RAB31: variants seen among roughly 807,000 people sequenced by gnomAD.
The protein encoded by RAB31 is RAB31, member RAS oncogene family.
In RAB31, 21 loss-of-function variants were observed where a neutral mutation model predicts 25.6. That is an observed-to-expected ratio of 0.82 (90% CI 0.58 to 1.18). RAB31 has a LOEUF of 1.18. Ranked by LOEUF, RAB31 falls within the 50% of genes most tolerant of loss-of-function variation. The pLI, the probability that RAB31 is intolerant of heterozygous loss-of-function variation, is 0.00. For missense variants in RAB31, 196 were observed against 250.1 expected (o/e 0.78, Z 1.46); for synonymous variants, 87 against 84.0 (o/e 1.04, Z -0.20).
rs1278898121 is a variant in RAB31 at position 9,777,169 on chromosome 18, C to CT, written c.119+1812_119+1813insT. On this transcript the variant is annotated intron_variant, in intron 2 of 6. Coordinates refer to ENST00000578921, the MANE Select transcript of RAB31 (RefSeq NM_006868.4). Reference sequence around the variant, plus strand: ...CCAGCCTGGCCAACACGGTGAAACCCCTCTCTACTAAAAATACAAAAATTA... The same window carrying CT: ...CCAGCCTGGCCAACACGGTGAAACCCTCTCTCTACTAAAAATACAAAAATTA... Among the ~76,000 whole-genome samples the CT allele has an allele frequency of 2.1e-4, 18 of 86,496 alleles. No individual in the cohort carries two copies. In the South Asian group the frequency reaches 4.8e-3, roughly 23 times the overall value. 56.7% of individuals were successfully genotyped at this position (86,496 alleles called of 152,430 possible).
At chr18:9,822,253 G>T (rs773663469) in intron 5 of RAB31, among the ~76,000 whole-genome samples, 1 of 151,982 alleles carries the variant, frequency 6.6e-6, no homozygotes, top group African/African-American at 2.4e-5. Context: ...TAGAGTAATC[G>T]GACATCAATA....
chr18:9,746,939 A>ACGTG (rs936856469), intron 1 of RAB31, among the ~76,000 whole-genome samples: 1 of 152,220 alleles, frequency 6.6e-6, no homozygotes. Flanking sequence ...AAAATTAAAA[A>ACGTG]CGTGCATCAA....
rs1181682911 is a variant in RAB31, at chr18:9,814,061, A to G, written c.243A>G (p.Ala81=). ...LAPMYYRGSA[A]AVIVYDITKQ... Reference sequence around the variant, plus strand: ...CCATGTACTATCGAGGCTCAGCTGCAGCTGTTATCGTGTATGATATTACCA... The same window carrying G: ...CCATGTACTATCGAGGCTCAGCTGCGGCTGTTATCGTGTATGATATTACCA... Residue 81 remains alanine (A), a synonymous_variant, in exon 4 of 7, where the codon GCA becomes GCG. Coordinates refer to ENST00000578921, the MANE Select transcript of RAB31 (RefSeq NM_006868.4). The G allele has an allele frequency of 5.0e-6, 8 of 1,594,170 alleles. No homozygotes were observed. The highest frequency in any genetic ancestry group is 6.9e-6 in the Non-Finnish European group (8 of 1,167,250).
intron 5 of RAB31, among the ~76,000 whole-genome samples, chr18:9,824,063 T>A (rs1409551621): frequency 6.6e-6 from 1 of 152,246 alleles, no homozygotes; most frequent in African/African-American, 2.4e-5. Context: ...ACCCCAGACC[T>A]TATTCAGAGC....
At chr18:9,749,911 G>A (rs1184735210) in intron 1 of RAB31, among the ~76,000 whole-genome samples, 1 of 152,180 alleles carries the variant, frequency 6.6e-6, no homozygotes, top group African/African-American at 2.4e-5. Context: ...ACAGGTCCCA[G>A]CATGAAAGCA....
In RAB31 at chr18:9,729,387, C is replaced by T. The variant is rs193131376; in HGVS notation, c.39+20943C>T. Among the ~76,000 whole-genome samples the T allele has an allele frequency of 1.1e-4, 16 of 151,972 alleles. No homozygotes were observed. The East Asian group carries it at 1.9e-3, about 18-fold the overall frequency. The stretch of plus-strand genomic sequence containing the variant: ...CTAAAAATATAAAAAATTAGCCGGG[C>T]GTGGTGGTGGGCACCTGTAGTCCCA... On this transcript the variant is annotated intron_variant, in intron 1 of 6. Transcript: ENST00000578921.
intron 3 of RAB31, among the ~76,000 whole-genome samples, chr18:9,807,191 T>A (rs973588082): frequency 1.1e-4 from 17 of 152,036 alleles, no homozygotes; most frequent in Admixed American, 6.6e-5. Context: ...CACATGGGGG[T>A]AAATGACACC....
intron 1 of RAB31, among the ~76,000 whole-genome samples, chr18:9,716,328 T>C (rs2145454668): frequency 6.6e-6 from 1 of 152,298 alleles, no homozygotes; most frequent in South Asian, 2.1e-4. Context: ...CGTGATCATG[T>C]ATAATATTAA....
chr18:9,847,667 G>C (rs986383499), intron 6 of RAB31, among the ~76,000 whole-genome samples: 1 of 152,020 alleles, frequency 6.6e-6, no homozygotes, highest in Non-Finnish European at 1.5e-5. Context: ...CCACCTCCTG[G>C]GCTCAAGCAA....
chr18:9,799,978 G>T (rs1049038664), intron 3 of RAB31, among the ~76,000 whole-genome samples: 2 of 152,166 alleles, frequency 1.3e-5, no homozygotes, highest in East Asian at 3.9e-4. Context: ...ATGGGTTATT[G>T]TGCTGGTTTC....
intron 1 of RAB31, chr18:9,726,273 G>C (rs1178557508): frequency 6.6e-6 from 1 of 152,192 alleles, no homozygotes; most frequent in African/African-American, 2.4e-5. Context: ...CAACCTGCTG[G>C]ACTGCAGGGG....
chr18:9,783,134 C>T (rs2068413694), intron 2 of RAB31, among the ~76,000 whole-genome samples: 2 of 152,154 alleles, frequency 1.3e-5, no homozygotes, highest in South Asian at 4.1e-4. Context: ...AAAGTTGCTC[C>T]TCACAGCTCA....
At chr18:9,782,248 C>T (rs533719999) in intron 2 of RAB31, among the ~76,000 whole-genome samples, 235 of 152,320 alleles carry the variant, frequency 1.5e-3, no homozygotes, top group African/African-American at 5.3e-3. Context: ...GCCTTCTTGG[C>T]GGTAACCCTG....
chr18:9,829,941 A>G (rs911470092), intron 5 of RAB31, among the ~76,000 whole-genome samples: 8 of 151,716 alleles, frequency 5.3e-5, no homozygotes, highest in African/African-American at 9.7e-5. Flanking sequence ...ATGTGTTGAA[A>G]CTATCATCTT....
chr18:9,709,653 G>C (rs976990050), intron 1 of RAB31, among the ~76,000 whole-genome samples: 11 of 152,184 alleles, frequency 7.2e-5, no homozygotes, highest in African/African-American at 2.7e-4. Flanking sequence ...TCGATTGTCC[G>C]GTTGGCTTAG....
intron 6 of RAB31, among the ~76,000 whole-genome samples, chr18:9,850,945 G>A (rs2068786262): frequency 1.3e-5 from 2 of 152,192 alleles, no homozygotes; most frequent in African/African-American, 4.8e-5. Context: ...TTGGAATGGG[G>A]TGTTAATATG....
intron 6 of RAB31, among the ~76,000 whole-genome samples, chr18:9,852,371 A>C (rs1241946874): frequency 6.6e-6 from 1 of 152,248 alleles, no homozygotes; most frequent in Non-Finnish European, 1.5e-5. Context: ...AAAAGTTCAT[A>C]GTTGTCATAA....
intron 2 of RAB31, 41 bp downstream of exon 2, chr18:9,775,398 T>C: frequency 6.2e-7 from 1 of 1,611,828 alleles, no homozygotes; most frequent in Non-Finnish European, 8.5e-7. Context: ...TTGCTTCCTT[T>C]CACGGCATCA....
At chr18:9,846,206 G>A (rs2068761140) in intron 6 of RAB31, among the ~76,000 whole-genome samples, 1 of 152,206 alleles carries the variant, frequency 6.6e-6, no homozygotes, top group African/African-American at 2.4e-5. Context: ...GAGCTAATTA[G>A]GGAGGGTGAC....
Sources: gnomAD v4.1 joint callset for allele counts (sites outside exome capture counted in the v4.1 genomes callset) on GRCh38, gnomAD v4.1.1 for gene constraint, MANE v1.5 for transcripts, NCBI Gene and HGNC (gene_info 2026-07-23, HGNC 2026-07-21) for gene names.